LRRC4C: variants seen among roughly 807,000 people sequenced by gnomAD.
LRRC4C encodes leucine rich repeat containing 4C.
LRRC4C carries 5 observed loss-of-function variants against 33.6 expected under a neutral mutation model. The ratio of observed to expected loss-of-function variants is 0.15; its 90% CI spans 0.08 to 0.31. The LOEUF is 0.31. LRRC4C is among the 10% of genes least tolerant of loss of function. The probability of loss-of-function intolerance (pLI) is 1.00; values close to 1 mark genes in which losing one functional copy is unlikely to be tolerated. For synonymous variants in LRRC4C, 329 were observed against 302.0 expected (o/e 1.09, Z -0.93); for missense variants, 560 against 796.7 (o/e 0.70, Z 3.58).
chr11:41,304,013 C>T (rs1591208075), intron 1 of LRRC4C, among the ~76,000 whole-genome samples: 7 of 77,440 alleles, frequency 9.0e-5, no homozygotes, highest in South Asian at 5.1e-4. Context: ...GTCAGCCCCC[C>T]GCCCGGCCAG....
chr11:41,391,999 G>T (rs113949476), intron 1 of LRRC4C, among the ~76,000 whole-genome samples: 2,822 of 151,886 alleles, frequency 0.019, 86 homozygotes, highest in African/African-American at 0.063. Flanking sequence ...TAGAATAAAA[G>T]AGAAAACTAT....
rs368234307 is a variant in LRRC4C, at chr11:40,696,748, G to GTGTATATATATATATATATA, written c.-406-48471_-406-48470insTATATATATATATATATACA. On this transcript the variant is annotated intron_variant, in intron 2 of 6. Coordinates refer to ENST00000528697, the MANE Select transcript of LRRC4C (RefSeq NM_001258419.2). ...GTCTCTGTGCATATATATACACTGTGTATATATATATATATATATATATAT... is the reference window on the plus strand; with the variant it reads ...GTCTCTGTGCATATATATACACTGTGTGTATATATATATATATATATATATATATATATATATATATATAT... Among the ~76,000 whole-genome samples the GTGTATATATATATATATATA allele has an allele frequency of 2.0e-3, 256 of 125,846 alleles. 1 individual carries two copies. The highest frequency in any genetic ancestry group is 7.3e-3 in the African/African-American group (233 of 31,950). 82.6% of individuals were successfully genotyped at this position (125,846 alleles called of 152,430 possible). A position where few individuals can be genotyped will look rare whatever the true frequency, so the allele number is the denominator to read the frequency against.
At chr11:41,011,649 C>T (rs566406172) in intron 1 of LRRC4C, among the ~76,000 whole-genome samples, 11 of 151,844 alleles carry the variant, frequency 7.2e-5, no homozygotes, top group African/African-American at 1.7e-4. Flanking sequence ...CAACTGGCCA[C>T]GTACTCCAAA....
At chr11:40,523,699 A>T (rs1955921357) in intron 3 of LRRC4C, among the ~76,000 whole-genome samples, 2 of 151,966 alleles carry the variant, frequency 1.3e-5, no homozygotes, top group African/African-American at 4.8e-5. Flanking sequence ...CCAATGGGAA[A>T]AGTGCTAACA....
chr11:40,630,688 G>C (rs1002514546), intron 3 of LRRC4C, among the ~76,000 whole-genome samples: 1 of 152,052 alleles, frequency 6.6e-6, no homozygotes, highest in Non-Finnish European at 1.5e-5. Flanking sequence ...TCATTCAATT[G>C]TCAGCAGATC....
At chr11:40,601,285 C>G (rs1323212447) in intron 3 of LRRC4C, among the ~76,000 whole-genome samples, 1 of 152,176 alleles carries the variant, frequency 6.6e-6, no homozygotes, top group Non-Finnish European at 1.5e-5. Flanking sequence ...CTTCTGAATA[C>G]TCTGTGCTTA....
At chr11:40,549,786 A>G (rs932151819) in intron 3 of LRRC4C, among the ~76,000 whole-genome samples, 1 of 152,162 alleles carries the variant, frequency 6.6e-6, no homozygotes, top group Non-Finnish European at 1.5e-5. Context: ...GTGAAAATAC[A>G]TACAGTGAAA....
At chr11:40,936,816 G>T (rs1418109465) in intron 1 of LRRC4C, among the ~76,000 whole-genome samples, 3 of 152,060 alleles carry the variant, frequency 2.0e-5, no homozygotes, top group African/African-American at 7.2e-5. Context: ...AGCCAGTAAT[G>T]GTAAAATTGG....
intron 1 of LRRC4C, among the ~76,000 whole-genome samples, chr11:41,304,729 A>C (rs2137117894): frequency 2.5e-5 from 2 of 80,842 alleles, no homozygotes; most frequent in Non-Finnish European, 4.9e-5. Context: ...TGGGGGTATC[A>C]GCCCCCCGCC....
intron 1 of LRRC4C, among the ~76,000 whole-genome samples, chr11:41,410,403 TTTTTTTTTTTTTC>T (rs1282421391): frequency 1.5e-5 from 2 of 133,270 alleles, no homozygotes; most frequent in East Asian, 2.0e-4. Flanking sequence ...AGTGAGAAAG[TTTTTTTTTTTTTC>T]TTTTTTTTTT....
At chr11:40,272,616 C>T (rs764897048) in intron 4 of LRRC4C, among the ~76,000 whole-genome samples, 3 of 151,798 alleles carry the variant, frequency 2.0e-5, no homozygotes, top group Non-Finnish European at 2.9e-5. Flanking sequence ...GTGTAAGACC[C>T]CAAGTGAAAG....
chr11:40,496,865 A>G (rs79468821), intron 3 of LRRC4C, among the ~76,000 whole-genome samples: 1 of 152,166 alleles, frequency 6.6e-6, no homozygotes. Flanking sequence ...AGAAGATTCT[A>G]AAAGTTCAGT....
At chr11:40,450,126 T>C (rs1284636869) in intron 3 of LRRC4C, among the ~76,000 whole-genome samples, 1 of 152,084 alleles carries the variant, frequency 6.6e-6, no homozygotes. Flanking sequence ...TATGGGCAGG[T>C]ATAGGGCAAA....
chr11:41,260,459 G>A (rs11036326), intron 1 of LRRC4C, among the ~76,000 whole-genome samples: 27,220 of 151,942 alleles, frequency 0.18, 3,009 homozygotes, highest in East Asian at 0.44. Flanking sequence ...CAAGCAGTGA[G>A]ATTGACTGCA....
chr11:40,770,750 G>T (rs1216708801), intron 2 of LRRC4C, among the ~76,000 whole-genome samples: 1 of 152,156 alleles, frequency 6.6e-6, no homozygotes, highest in East Asian at 1.9e-4. Context: ...GGGGCTACAG[G>T]CCCCATGCAA....
chr11:41,390,623 G>A (rs115099180), intron 1 of LRRC4C, among the ~76,000 whole-genome samples: 1 of 151,674 alleles, frequency 6.6e-6, no homozygotes, highest in Admixed American at 6.6e-5. Context: ...TCATTCCTTA[G>A]GTGTCAAATT....
intron 1 of LRRC4C, among the ~76,000 whole-genome samples, chr11:41,404,630 G>A (rs964637091): frequency 6.6e-6 from 1 of 151,656 alleles, no homozygotes. Context: ...ATCAAGACCC[G>A]CATCACCAGA....
chr11:40,471,623 AGACAC>A (rs1289669378), intron 3 of LRRC4C, among the ~76,000 whole-genome samples: 1 of 151,902 alleles, frequency 6.6e-6, no homozygotes, highest in African/African-American at 2.4e-5. Flanking sequence ...TCACATGCAA[AGACAC>A]ACATAAGCTC....
At chr11:40,761,582 G>A (rs1949213785) in intron 2 of LRRC4C, among the ~76,000 whole-genome samples, 1 of 152,226 alleles carries the variant, frequency 6.6e-6, no homozygotes, top group African/African-American at 2.4e-5. Context: ...AAACTGACCA[G>A]CTTTTTCAGA....
Sources: allele counts gnomAD v4.1 joint callset (sites outside exome capture counted in the v4.1 genomes callset), GRCh38; gene constraint gnomAD v4.1.1; transcripts MANE v1.5; gene names NCBI Gene and HGNC (gene_info 2026-07-23, HGNC 2026-07-21).